Variants in AEBP2 observed in about 807,000 individuals in gnomAD.
The protein encoded by AEBP2 is zinc finger protein AEBP2.
A neutral mutation model predicts 50.8 loss-of-function variants in AEBP2; 10 were observed. The ratio of observed to expected loss-of-function variants is 0.20; its 90% CI spans 0.12 to 0.33. The LOEUF is 0.33. Among genes scored for constraint, AEBP2 ranks in the 10% least tolerant of loss-of-function variants. AEBP2 has a pLI of 1.00. For missense variants in AEBP2, 570 were observed against 688.0 expected, an observed-to-expected ratio of 0.83 and a Z score of 1.92; for synonymous variants, 296 against 261.3, an observed-to-expected ratio of 1.13 and a Z score of -1.28.
chr12:19,474,666 AG>A (rs1269928858), intron 3 of AEBP2, among the ~76,000 whole-genome samples: 1 of 152,210 alleles, frequency 6.6e-6, no homozygotes, highest in Admixed American at 6.5e-5. Context: ...ACTTAATTTT[AG>A]AGCAGCTTTA....
intron 1 of AEBP2, among the ~76,000 whole-genome samples, chr12:19,404,930 CTTTTTTTTT>C (rs34351225): frequency 2.1e-5 from 2 of 95,716 alleles, no homozygotes; most frequent in East Asian, 3.1e-4. Flanking sequence ...CTTGGCTACT[CTTTTTTTTT>C]TTTTTTTTTT....
At chr12:19,436,539 C>G (rs1177604697), upstream of AEBP2, among the ~76,000 whole-genome samples, 1 of 151,842 alleles carries the variant, frequency 6.6e-6, no homozygotes, top group African/African-American at 2.4e-5. Flanking sequence ...GGATCGGGGC[C>G]CCTTTCTGGT....
chr12:19,462,707 A>C lies in AEBP2; in HGVS notation c.869A>C (p.Gln290Pro). The C allele has an allele frequency of 6.3e-7, 1 of 1,593,806 alleles. No homozygotes were observed. ...ATCCGTTCCATACATGTAGATGGTC[A>C]GCGAGGAGGGGTTGGTTTTGTCATT... Reference protein sequence around the residue: ...DHIRSIHVDGQRGGVFVCLWK... With the variant: ...DHIRSIHVDGPRGGVFVCLWK... Residue 290 changes from glutamine (Q) to proline (P), a missense_variant, in exon 2 of 8, where the codon CAG (glutamine) becomes CCG (proline). By Grantham distance (76) the Gln-to-Pro change is moderately conservative. Transcript: ENST00000266508.
chr12:19,435,803 G>A (rs1160486039), upstream of AEBP2, among the ~76,000 whole-genome samples: 1 of 152,106 alleles, frequency 6.6e-6, no homozygotes, highest in Non-Finnish European at 1.5e-5. Flanking sequence ...AGCTTTCCTT[G>A]ATTAACTCGG....
At chr12:19,433,878 G>T (rs2095752744) in intron 1 of AEBP2, among the ~76,000 whole-genome samples, 1 of 151,804 alleles carries the variant, frequency 6.6e-6, no homozygotes, top group Admixed American at 6.6e-5. Context: ...ATGGAGTCTC[G>T]CTCTGTCACC....
chr12:19,479,716 G>GTTTTTTTTTTTTTTTTTT (rs1565723172), intron 3 of AEBP2, among the ~76,000 whole-genome samples: 3 of 29,892 alleles, frequency 1.0e-4, no homozygotes, highest in Non-Finnish European at 2.4e-4. Flanking sequence ...CCTCTTTGTG[G>GTTTTTTTTTTTTTTTTTT]GTTTTTTTTT....
intron 1 of AEBP2, among the ~76,000 whole-genome samples, chr12:19,459,848 T>C (rs1948341013): frequency 6.6e-6 from 1 of 152,148 alleles, no homozygotes; most frequent in African/African-American, 2.4e-5. Flanking sequence ...ATCTGAAGCA[T>C]CCTACAAAAA....
chr12:19,406,880 A>C (rs1040404066), intron 1 of AEBP2, among the ~76,000 whole-genome samples: 3 of 152,136 alleles, frequency 2.0e-5, no homozygotes, highest in African/African-American at 7.2e-5. Flanking sequence ...TTTGTGAAGG[A>C]TGTAAGGTCT....
chr12:19,476,805 G>A (rs1004789928), intron 3 of AEBP2, among the ~76,000 whole-genome samples: 3 of 152,014 alleles, frequency 2.0e-5, no homozygotes, highest in South Asian at 2.1e-4. Flanking sequence ...GCTCTCTTTC[G>A]GTTCCATATG....
chr12:19,462,845 G>A, intron 2 of AEBP2, 128 bp downstream of exon 2: 1 of 811,534 alleles, frequency 1.2e-6, no homozygotes, highest in Non-Finnish European at 1.9e-6. Flanking sequence ...TTTTTCAAGT[G>A]AATTTTTAAT....
intron 1 of AEBP2, among the ~76,000 whole-genome samples, chr12:19,416,848 G>A (rs904266359): frequency 1.4e-5 from 2 of 145,908 alleles, no homozygotes; most frequent in Admixed American, 1.4e-4. Context: ...CACCACTCCT[G>A]GCCTATCTTT....
intron 1 of AEBP2, among the ~76,000 whole-genome samples, chr12:19,453,789 GTTTC>G (rs1948211226): frequency 6.6e-6 from 1 of 151,954 alleles, no homozygotes; most frequent in South Asian, 2.1e-4. Context: ...TTAGCATCCA[GTTTC>G]TTTCTTTCTT....
intron 1 of AEBP2, among the ~76,000 whole-genome samples, chr12:19,446,966 G>A (rs1219427303): frequency 2.0e-5 from 3 of 152,210 alleles, no homozygotes; most frequent in Admixed American, 1.3e-4. Context: ...GAGTTGGAAC[G>A]TGTTGTATAG....
At chr12:19,490,959 A>C (rs1430041882) in intron 3 of AEBP2, among the ~76,000 whole-genome samples, 1 of 152,224 alleles carries the variant, frequency 6.6e-6, no homozygotes, top group African/African-American at 2.4e-5. Context: ...TCAAATGGTT[A>C]ATTTTGTGAT....
chr12:19,508,119 T>C (rs1294286244), intron 5 of AEBP2, among the ~76,000 whole-genome samples: 1 of 152,232 alleles, frequency 6.6e-6, no homozygotes, highest in Non-Finnish European at 1.5e-5. Flanking sequence ...GTATTTTGTT[T>C]TAGCAGCTCC....
intron 1 of AEBP2, chr12:19,440,623 C>G: frequency 6.7e-7 from 1 of 1,493,774 alleles, no homozygotes. Context: ...CGCTTCGCTC[C>G]TCACGGACCT....
At position 19,492,594 on chromosome 12, in the gene AEBP2, A is replaced by G. The variant is rs111523191; in HGVS notation, c.988-1206A>G. Among the ~76,000 whole-genome samples, 4 of 152,034 alleles carry G rather than the reference A, an allele frequency of 2.6e-5. 1 individual carries two copies. Among genetic ancestry groups the G allele is most frequent in the African/African-American group, 9.6e-5 (4 of 41,558 alleles). Reference sequence around the variant, plus strand: ...AAATATAAATAAAAAAACAAAATAAAATAAAAAAAATTTATTTATTTTTAA... The same window carrying G: ...AAATATAAATAAAAAAACAAAATAAGATAAAAAAAATTTATTTATTTTTAA... On this transcript the variant is annotated intron_variant, in intron 3 of 7. Transcript: ENST00000266508.
At chr12:19,447,898 C>A (rs947575242) in intron 1 of AEBP2, among the ~76,000 whole-genome samples, 1 of 152,128 alleles carries the variant, frequency 6.6e-6, no homozygotes, top group Non-Finnish European at 1.5e-5. Flanking sequence ...TGCGAGGGTG[C>A]TGCTGTAGAG....
intron 5 of AEBP2, among the ~76,000 whole-genome samples, chr12:19,506,808 G>A (rs979888244): frequency 6.6e-6 from 1 of 152,134 alleles, no homozygotes; most frequent in African/African-American, 2.4e-5. Context: ...TTGGATTCTG[G>A]TTATCTTTTG....
Sources: gnomAD v4.1 joint callset for allele counts (sites outside exome capture counted in the v4.1 genomes callset) on GRCh38, gnomAD v4.1.1 for gene constraint, MANE v1.5 for transcripts, NCBI Gene and HGNC (gene_info 2026-07-23, HGNC 2026-07-21) for gene names.